Variants in CCDC91 observed in about 807,000 individuals in gnomAD.
CCDC91 encodes the protein coiled-coil domain containing 91, also known as coiled-coil domain-containing protein 91.
Under a neutral mutation model 63.2 loss-of-function variants are expected in CCDC91, and 48 were observed. The observed-to-expected ratio is 0.76, with a 90% CI of 0.60 to 0.97. The LOEUF is 0.97. CCDC91 is among the 50% of genes least tolerant of loss of function. The pLI is 0.00. For synonymous variants in CCDC91, 167 were observed against 165.8 expected (o/e 1.01, Z -0.06); for missense variants, 500 against 494.6 (o/e 1.01, Z -0.10).
chr12:28,320,693 A>T (rs1333434514), intron 6 of CCDC91, among the ~76,000 whole-genome samples: 1 of 151,950 alleles, frequency 6.6e-6, no homozygotes, highest in Non-Finnish European at 1.5e-5. Context: ...CAGACAGTTA[A>T]CATATAAAAT....
chr12:28,389,745 A>G (rs565201201), intron 7 of CCDC91, among the ~76,000 whole-genome samples: 74 of 152,154 alleles, frequency 4.9e-4, no homozygotes, highest in Non-Finnish European at 8.5e-4. Flanking sequence ...AAATGATTCT[A>G]TAATACCCTA....
At chr12:28,544,714 G>A (rs898424027) in intron 12 of CCDC91, among the ~76,000 whole-genome samples, 3 of 151,944 alleles carry the variant, frequency 2.0e-5, no homozygotes, top group Admixed American at 6.6e-5. Flanking sequence ...ATTAAAATAA[G>A]CCAGATGTGT....
At chr12:28,486,104 C>T (rs1449757021) in intron 12 of CCDC91, among the ~76,000 whole-genome samples, 14 of 152,022 alleles carry the variant, frequency 9.2e-5, no homozygotes, top group Admixed American at 2.0e-4. Context: ...CTTGCTTGAC[C>T]GAAACTTTAT....
At chr12:28,434,076 C>T (rs1948770780) in intron 8 of CCDC91, among the ~76,000 whole-genome samples, 1 of 151,736 alleles carries the variant, frequency 6.6e-6, no homozygotes, top group Non-Finnish European at 1.5e-5. Flanking sequence ...TTCCGTATTA[C>T]TTCCAGGAGT....
intron 11 of CCDC91, among the ~76,000 whole-genome samples, chr12:28,463,656 T>G (rs1950414055): frequency 6.6e-6 from 1 of 152,190 alleles, no homozygotes; most frequent in Non-Finnish European, 1.5e-5. Flanking sequence ...CAAACATGTC[T>G]CTAAGACTTG....
chr12:28,421,753 T>G (rs1055535556), intron 8 of CCDC91, among the ~76,000 whole-genome samples: 3 of 152,046 alleles, frequency 2.0e-5, no homozygotes, highest in African/African-American at 7.2e-5. Context: ...CCTGTTTCCC[T>G]TAAGGATTTT....
At chr12:28,391,507 C>T in intron 8 of CCDC91, 96 bp downstream of exon 8, 3 of 667,114 alleles carry the variant, frequency 4.5e-6, no homozygotes. Flanking sequence ...GTTCCATTTA[C>T]TTGGTGTATT....
chr12:28,535,201 A>G (rs1247417216), intron 12 of CCDC91, among the ~76,000 whole-genome samples: 1 of 152,146 alleles, frequency 6.6e-6, no homozygotes, highest in Non-Finnish European at 1.5e-5. Context: ...ATACTTTTAA[A>G]CTCCTTAGTA....
chr12:28,194,359 T>C (rs1315282025), intron 1 of CCDC91, among the ~76,000 whole-genome samples: 1 of 152,172 alleles, frequency 6.6e-6, no homozygotes, highest in African/African-American at 2.4e-5. Context: ...TCCAGTGGGT[T>C]CTTGGTCTTG....
intron 3 of CCDC91, among the ~76,000 whole-genome samples, chr12:28,283,890 G>A (rs1274608744): frequency 9.9e-5 from 15 of 152,074 alleles, no homozygotes; most frequent in African/African-American, 3.6e-4. Context: ...TAGATTTCAG[G>A]GTTTTGGATT....
At chr12:28,421,886 C>G (rs1948036446) in intron 8 of CCDC91, among the ~76,000 whole-genome samples, 1 of 152,008 alleles carries the variant, frequency 6.6e-6, no homozygotes, top group Non-Finnish European at 1.5e-5. Context: ...TCTGGGGAAC[C>G]CTGGCTGATA....
intron 11 of CCDC91, among the ~76,000 whole-genome samples, chr12:28,460,907 G>A (rs1215319372): frequency 6.6e-6 from 1 of 151,718 alleles, no homozygotes; most frequent in Non-Finnish European, 1.5e-5. Context: ...CTTAACCATG[G>A]GGATACATTC....
chr12:28,546,755 CAA>C (rs773169064), intron 12 of CCDC91, among the ~76,000 whole-genome samples: 15 of 151,420 alleles, frequency 9.9e-5, no homozygotes, highest in East Asian at 5.9e-4. Flanking sequence ...GAAAAAAAAA[CAA>C]GAGACACTGA....
At chr12:28,488,053 A>G (rs1302969410) in intron 12 of CCDC91, among the ~76,000 whole-genome samples, 1 of 151,814 alleles carries the variant, frequency 6.6e-6, no homozygotes, top group East Asian at 1.9e-4. Context: ...ATGAGGTTAC[A>G]TAGCTCTTTC....
chr12:28,365,651 A>G (rs1944224853), intron 7 of CCDC91, among the ~76,000 whole-genome samples: 1 of 152,226 alleles, frequency 6.6e-6, no homozygotes, highest in African/African-American at 2.4e-5. Context: ...ACCAGGGATT[A>G]TTGTAAATAC....
chr12:28,191,630 T>TC (rs60041419), intron 1 of CCDC91, among the ~76,000 whole-genome samples: 76 of 150,858 alleles, frequency 5.0e-4, no homozygotes, highest in South Asian at 1.3e-3. Context: ...AGGCAACCCT[T>TC]CCCCCCCCCA....
intron 8 of CCDC91, among the ~76,000 whole-genome samples, chr12:28,411,489 T>C (rs1947314034): frequency 6.6e-6 from 1 of 152,188 alleles, no homozygotes; most frequent in Admixed American, 6.5e-5. Context: ...ATCTATTATG[T>C]TTAGAGGAAA....
At chr12:28,485,443 G>C (rs1285768845) in intron 12 of CCDC91, among the ~76,000 whole-genome samples, 1 of 151,438 alleles carries the variant, frequency 6.6e-6, no homozygotes, top group Admixed American at 6.6e-5. Context: ...CAGGAATACA[G>C]GCATGAGCCA....
intron 6 of CCDC91, among the ~76,000 whole-genome samples, chr12:28,331,543 C>G (rs1215078694): frequency 5.9e-5 from 9 of 152,014 alleles, no homozygotes; most frequent in African/African-American, 1.9e-4. Flanking sequence ...GTTTTGAAGC[C>G]TAAGATATTA....
Sources: gnomAD v4.1 joint callset for allele counts (sites outside exome capture counted in the v4.1 genomes callset) on GRCh38, gnomAD v4.1.1 for gene constraint, MANE v1.5 for transcripts, NCBI Gene and HGNC (gene_info 2026-07-23, HGNC 2026-07-21) for gene names.